Variants in PUDP observed in about 807,000 individuals in gnomAD.
The protein encoded by PUDP is pseudouridine 5'-phosphatase.
In PUDP, 8 loss-of-function variants were observed where a neutral mutation model predicts 9.4. That is an observed-to-expected ratio of 0.85 (90% CI 0.50 to 1.53). PUDP has a LOEUF of 1.53. Ranked by LOEUF, PUDP falls within the 40% of genes most tolerant of loss-of-function variation. The probability of loss-of-function intolerance (pLI) is 0.00; values close to 1 mark genes in which losing one functional copy is unlikely to be tolerated. For synonymous variants in PUDP, 99 were observed against 80.7 expected, an observed-to-expected ratio of 1.23 and a Z score of -1.22; for missense variants, 188 against 189.7, an observed-to-expected ratio of 0.99 and a Z score of 0.05.
At chrX:6,977,909 T>A (rs1370720396) in intron 2 of PUDP, among the ~76,000 whole-genome samples, 1 of 112,386 alleles carries the variant, frequency 8.9e-6, no homozygotes, top group Non-Finnish European at 1.9e-5. Flanking sequence ...TTCAAGAACA[T>A]CATGAAACCT....
intron 3 of PUDP, among the ~76,000 whole-genome samples, chrX:6,927,482 A>T (rs762398780): frequency 3.4e-4 from 38 of 112,182 alleles, no homozygotes; most frequent in Non-Finnish European, 6.6e-4. Flanking sequence ...TCCCAGTGCT[A>T]AGATGCCTAT....
intron 1 of PUDP, among the ~76,000 whole-genome samples, chrX:7,026,545 T>C (rs902603263): frequency 1.1e-4 from 12 of 111,963 alleles, no homozygotes; most frequent in Admixed American, 1.9e-4. Context: ...TTCTTGATCT[T>C]GTCCATGGTG....
intron 3 of PUDP, among the ~76,000 whole-genome samples, chrX:6,945,538 A>C (rs1928452108): frequency 8.9e-6 from 1 of 111,913 alleles, no homozygotes; most frequent in Admixed American, 9.6e-5. Flanking sequence ...TGATGAATAA[A>C]ATCTAAATGG....
At chrX:6,869,893 C>A (rs1459754596) in intron 3 of PUDP, among the ~76,000 whole-genome samples, 1 of 111,398 alleles carries the variant, frequency 9.0e-6, no homozygotes, top group African/African-American at 3.3e-5. Context: ...TATGCTCTAG[C>A]AATTCTACTT....
intron 3 of PUDP, among the ~76,000 whole-genome samples, chrX:6,847,660 C>G (rs184060649): frequency 8.9e-6 from 1 of 112,400 alleles, no homozygotes; most frequent in East Asian, 2.8e-4. Context: ...CAGTATTACA[C>G]AAATGAAGAA....
chrX:6,831,127 G>T (rs1005636817), intron 3 of PUDP, among the ~76,000 whole-genome samples: 1 of 111,256 alleles, frequency 9.0e-6, no homozygotes, highest in Non-Finnish European at 1.9e-5. Flanking sequence ...CTGGGTGGGG[G>T]CCACAAGATC....
chrX:7,147,653 C>A (rs1335945362), intron 1 of PUDP, among the ~76,000 whole-genome samples: 1 of 112,076 alleles, frequency 8.9e-6, no homozygotes, highest in African/African-American at 3.2e-5. Context: ...GGCTGGGCAC[C>A]GCTCAAGGTC....
intron 3 of PUDP, among the ~76,000 whole-genome samples, chrX:6,971,120 T>C (rs1435743499): frequency 1.8e-5 from 2 of 111,669 alleles, no homozygotes; most frequent in Non-Finnish European, 3.8e-5. Context: ...TTATACCTGC[T>C]ACAGGTAAAG....
intron 1 of PUDP, among the ~76,000 whole-genome samples, chrX:7,119,390 C>T (rs1033671798): frequency 8.9e-6 from 1 of 112,645 alleles, no homozygotes; most frequent in African/African-American, 3.2e-5. Context: ...ACAAATGAGC[C>T]TGCATGTAAA....
intron 1 of PUDP, among the ~76,000 whole-genome samples, chrX:7,021,375 C>A (rs1929630976): frequency 1.8e-5 from 2 of 111,149 alleles, no homozygotes; most frequent in Admixed American, 9.6e-5. Flanking sequence ...GACTAGAGAC[C>A]CTCAGAGACC....
At chrX:6,804,137 C>T (rs1393643912) in intron 3 of PUDP, among the ~76,000 whole-genome samples, 2 of 111,578 alleles carry the variant, frequency 1.8e-5, no homozygotes, top group Non-Finnish European at 3.8e-5. Context: ...TGAAGCAATT[C>T]TGTGAGCAGA....
intron 3 of PUDP, among the ~76,000 whole-genome samples, chrX:7,058,048 C>A (rs1190762401): frequency 9.0e-6 from 1 of 111,284 alleles, no homozygotes; most frequent in African/African-American, 3.3e-5. Context: ...ATCAACAGCA[C>A]GTCCCATCGG....
chrX:7,102,330 A>G (rs1170043399), intron 2 of PUDP, among the ~76,000 whole-genome samples: 1 of 109,853 alleles, frequency 9.1e-6, no homozygotes, highest in African/African-American at 3.3e-5. Flanking sequence ...AAAAAAAAAA[A>G]AAAACAAAAA....
intron 3 of PUDP, among the ~76,000 whole-genome samples, chrX:6,970,817 A>C (rs954050907): frequency 9.0e-6 from 1 of 111,173 alleles, no homozygotes; most frequent in African/African-American, 3.3e-5. Context: ...TAATTCCAGC[A>C]CTTTGGGAGG....
At chrX:7,050,543 G>T (rs946643157) in intron 3 of PUDP, 71 bp from the exon 4 acceptor site, 1 of 967,078 alleles carries the variant, frequency 1.0e-6, no homozygotes, top group East Asian at 3.2e-5. Flanking sequence ...GTTTATTATC[G>T]TCGTCACCAT....
chrX:6,991,436 G>C (rs1929175005), intron 1 of PUDP, among the ~76,000 whole-genome samples: 1 of 110,687 alleles, frequency 9.0e-6, no homozygotes. Context: ...CCAGCACTTT[G>C]GGAGACTGAG....
rs146896965 is a variant in PUDP at position 6,842,032 on chromosome X, T to C, written c.*247+135101A>G. 6.3e-3 allele frequency among the ~76,000 whole-genome samples: 702 copies of C among 111,457 alleles called. 7 individuals are homozygous for C. The highest frequency in any genetic ancestry group is 0.022 in the African/African-American group (660 of 30,670). ...TGAACTGTGTATATGCTGTGTACGT[T>C]CAATTTGCAAGCTTCTTCAATGAAA... On this transcript the variant is annotated intron_variant and NMD_transcript_variant, in intron 3 of 3. Transcript: ENST00000655425.
At chrX:7,044,779 T>C (rs1358592806), downstream of PUDP, among the ~76,000 whole-genome samples, 1 of 112,855 alleles carries the variant, frequency 8.9e-6, no homozygotes, top group East Asian at 2.8e-4. Context: ...CATTTTCAAA[T>C]GATCATCAGC....
chrX:6,786,951 T>C (rs931232549), intron 3 of PUDP, among the ~76,000 whole-genome samples: 14 of 111,489 alleles, frequency 1.3e-4, no homozygotes, highest in Non-Finnish European at 2.6e-4. Context: ...CCTTCGATCC[T>C]TCATGTTCAG....
Sources: allele counts gnomAD v4.1 joint callset (sites outside exome capture counted in the v4.1 genomes callset), GRCh38; gene constraint gnomAD v4.1.1; transcripts MANE v1.5; gene names NCBI Gene and HGNC (gene_info 2026-07-23, HGNC 2026-07-21).